ZNF808: variants seen among roughly 807,000 people sequenced by gnomAD.
The protein encoded by ZNF808 is zinc finger protein 808.
Under a neutral mutation model 8.7 loss-of-function variants are expected in ZNF808, and 5 were observed. The observed-to-expected ratio is 0.58, with a 90% CI of 0.30 to 1.21. The LOEUF is 1.21. Ranked by LOEUF, ZNF808 falls within the 50% of genes most tolerant of loss-of-function variation. ZNF808 has a pLI of 0.07. For missense variants in ZNF808, 1,103 were observed against 1,098.4 expected (o/e 1.00, Z -0.06); for synonymous variants, 380 against 366.0 (o/e 1.04, Z -0.44).
At chr19:52,530,163 C>A (rs1334770136) in intron 1 of ZNF808, among the ~76,000 whole-genome samples, 3 of 152,126 alleles carry the variant, frequency 2.0e-5, no homozygotes, top group South Asian at 2.1e-4. Context: ...TGGCTTCAAA[C>A]AATTCTACTG....
chr19:52,538,801 T>A (rs866288823), intron 2 of ZNF808, among the ~76,000 whole-genome samples: 5 of 144,718 alleles, frequency 3.5e-5, no homozygotes, highest in Non-Finnish European at 7.8e-5. Context: ...TGCAGATGAG[T>A]GGTGAGTTGA....
At chr19:52,551,590 A>G (rs2059777022) in intron 4 of ZNF808, among the ~76,000 whole-genome samples, 3 of 152,048 alleles carry the variant, frequency 2.0e-5, no homozygotes, top group Admixed American at 2.0e-4. Flanking sequence ...GTATAAATGT[A>G]CTTATTTGCT....
chr19:52,538,888 T>C (rs1442425033), intron 2 of ZNF808, among the ~76,000 whole-genome samples: 2 of 152,166 alleles, frequency 1.3e-5, no homozygotes, highest in Non-Finnish European at 2.9e-5. Flanking sequence ...GTTTAAATTA[T>C]ACAGATGAGA....
At chr19:52,548,752 A>G (rs894909586) in intron 4 of ZNF808, among the ~76,000 whole-genome samples, 1 of 152,128 alleles carries the variant, frequency 6.6e-6, no homozygotes, top group African/African-American at 2.4e-5. Flanking sequence ...AGGCTGAATA[A>G]TATTCCATTG....
In ZNF808 at chr19:52,555,708, C is replaced by T. The variant is rs1454502111; in HGVS notation, c.*80C>T. On this transcript the variant is annotated 3_prime_UTR_variant, in exon 5 of 5. Coordinates refer to ENST00000359798, the MANE Select transcript of ZNF808 (RefSeq NM_001039886.4). ...AGAATCCATGATGAAGAGAAATCTT[C>T]TGAGTGTAATAAATGTGGCATGTTT... 17 of 1,539,076 alleles carry T rather than the reference C, an allele frequency of 1.1e-5. No homozygotes were observed. The highest frequency in any genetic ancestry group is 1.4e-5 in the Non-Finnish European group (16 of 1,137,794).
intron 2 of ZNF808, among the ~76,000 whole-genome samples, chr19:52,538,331 A>G (rs1180082567): frequency 6.8e-6 from 1 of 146,024 alleles, no homozygotes; most frequent in African/African-American, 2.7e-5. Flanking sequence ...CTACATACTA[A>G]TTATTATTAT....
At chr19:52,551,537 T>C (rs1409840166) in intron 4 of ZNF808, among the ~76,000 whole-genome samples, 2 of 152,164 alleles carry the variant, frequency 1.3e-5, no homozygotes, top group East Asian at 3.8e-4. Flanking sequence ...GTAGAAGTTG[T>C]GGCTTTTTTC....
At chr19:52,558,718 A>G (rs1334163557), downstream of ZNF808, among the ~76,000 whole-genome samples, 1 of 152,198 alleles carries the variant, frequency 6.6e-6, no homozygotes, top group Non-Finnish European at 1.5e-5. Context: ...GAGAGAGATC[A>G]GACTGTTACT....
Position 52,553,778 on chromosome 19 carries a change from A to G in ZNF808, c.862A>G (p.Lys288Glu), listed in dbSNP as rs116132766. The change falls in exon 5 of 5, where the codon AAG becomes GAG. Residue 288 changes from lysine (K) to glutamate (E), a missense_variant. Transcript: ENST00000359798. The stretch of plus-strand genomic sequence containing the variant: ...ATGTCACACTGGAGAGAAACCTTAC[A>G]AGTGTAAAGAGTGTGGAAAGTCCTT... ...RRCHTGEKPYKCKECGKSFSY... is the reference protein window; with the variant it reads ...RRCHTGEKPYECKECGKSFSY... 1,070 of 1,614,168 alleles carry G rather than the reference A, an allele frequency of 6.6e-4. 9 individuals are homozygous for G. The African/African-American group carries it at 0.013, about 19-fold the overall frequency.
intron 2 of ZNF808, among the ~76,000 whole-genome samples, chr19:52,535,084 C>G (rs1262113494): frequency 6.6e-6 from 1 of 150,568 alleles, no homozygotes; most frequent in Non-Finnish European, 1.5e-5. Context: ...GTAATCCTAG[C>G]AGTTTGGGAG....
At chr19:52,565,425 A>G (rs1198439622), downstream of ZNF808, among the ~76,000 whole-genome samples, 1 of 152,216 alleles carries the variant, frequency 6.6e-6, no homozygotes, top group African/African-American at 2.4e-5. Context: ...CCTAAACAAT[A>G]TAGCTACAAG....
At chr19:52,566,957 G>GTTTT (rs58981436), downstream of ZNF808, among the ~76,000 whole-genome samples, 3,324 of 145,734 alleles carry the variant, frequency 0.023, 63 homozygotes, top group African/African-American at 0.04. Flanking sequence ...AAGGATAGGT[G>GTTTT]TTTTTTTTTT....
chr19:52,565,888 C>T (rs763924630), downstream of ZNF808, among the ~76,000 whole-genome samples: 5 of 152,136 alleles, frequency 3.3e-5, no homozygotes, highest in Non-Finnish European at 7.3e-5. Context: ...ATCTTGGGCA[C>T]ACGTCATCAG....
At chr19:52,561,071 G>T (rs902730246), downstream of ZNF808, among the ~76,000 whole-genome samples, 3 of 151,888 alleles carry the variant, frequency 2.0e-5, no homozygotes, top group African/African-American at 4.8e-5. Context: ...ATCCATGAGG[G>T]ATGGCTTCAG....
chr19:52,553,488 C>A lies in ZNF808; in HGVS notation c.572C>A (p.Ser191Ter), dbSNP rs1273097843. ...EKSTSDASSV[S>*]TSQRISCRPQ... Reference sequence around the variant, plus strand: ...TCTACCAGTGATGCTTCCTCAGTTTCAACATCCCAAAGAATTTCCTGTAGG... The same window carrying A: ...TCTACCAGTGATGCTTCCTCAGTTTAAACATCCCAAAGAATTTCCTGTAGG... Residue 191 changes from serine (S) to a stop codon, truncating the protein, a stop_gained, in exon 5 of 5, where the codon TCA (serine) becomes TAA (stop). Transcript: ENST00000359798. LOFTEE classifies it low-confidence loss of function (END_TRUNC). The A allele has an allele frequency of 6.2e-7, 1 of 1,614,172 alleles. No homozygotes were observed. The highest frequency in any genetic ancestry group is 8.5e-7 in the Non-Finnish European group (1 of 1,180,026).
At chr19:52,568,037 G>A (rs1426296189), downstream of ZNF808, among the ~76,000 whole-genome samples, 1 of 152,148 alleles carries the variant, frequency 6.6e-6, no homozygotes, top group Non-Finnish European at 1.5e-5. Flanking sequence ...GAGGAACGTG[G>A]TCATGCAACC....
At chr19:52,547,757 T>C in intron 4 of ZNF808, 119 bp downstream of exon 4, 2 of 1,491,368 alleles carry the variant, frequency 1.3e-6, no homozygotes, top group Non-Finnish European at 1.8e-6. Context: ...TTTTTTTTTT[T>C]TTGACATGGA....
chr19:52,539,545 GTGGTTTTTTTTTTTT>G (rs1350620783), intron 2 of ZNF808, among the ~76,000 whole-genome samples: 1 of 84,238 alleles, frequency 1.2e-5, no homozygotes, highest in Non-Finnish European at 2.3e-5. Flanking sequence ...TTTTGTTGTG[GTGGTTTTTTTTTTTT>G]TTTTTTTTTT....
At position 52,554,886 on chromosome 19, in the gene ZNF808, G is replaced by C; in HGVS notation, c.1970G>C (p.Gly657Ala). 1 of 1,614,180 alleles carries C rather than the reference G, an allele frequency of 6.2e-7. No individual in the cohort carries two copies. Among genetic ancestry groups the C allele is most frequent in the South Asian group, 1.1e-5 (1 of 91,088 alleles). ...GEKTYKCNEC[G>A]KTFSYKSSLV... Reference sequence around the variant, plus strand: ...AAAACTTACAAGTGTAATGAGTGTGGGAAGACCTTCAGTTACAAGTCATCA... The same window carrying C: ...AAAACTTACAAGTGTAATGAGTGTGCGAAGACCTTCAGTTACAAGTCATCA... The change falls in exon 5 of 5, where the codon GGG (glycine) becomes GCG (alanine). Residue 657 changes from glycine to alanine, a missense_variant. By Grantham distance (60) the Gly-to-Ala change is moderately conservative. Coordinates refer to ENST00000359798, the MANE Select transcript of ZNF808 (RefSeq NM_001039886.4).
Sources: gnomAD v4.1 joint callset for allele counts (sites outside exome capture counted in the v4.1 genomes callset) on GRCh38, gnomAD v4.1.1 for gene constraint, MANE v1.5 for transcripts, NCBI Gene and HGNC (gene_info 2026-07-23, HGNC 2026-07-21) for gene names.